CDK19: variants seen among roughly 807,000 people sequenced by gnomAD.
The protein encoded by CDK19 is cyclin dependent kinase 19.
CDK19 carries 20 observed loss-of-function variants against 68.3 expected under a neutral mutation model. That is an observed-to-expected ratio of 0.29 (90% confidence interval 0.21 to 0.43). The LOEUF is 0.43. Among genes scored for constraint, CDK19 ranks in the 20% least tolerant of loss-of-function variants. The probability of loss-of-function intolerance (pLI) is 1.00; values close to 1 mark genes in which losing one functional copy is unlikely to be tolerated. For synonymous variants in CDK19, 221 were observed against 222.8 expected, an observed-to-expected ratio of 0.99 and a Z score of 0.07; for missense variants, 339 against 623.5, an observed-to-expected ratio of 0.54 and a Z score of 4.86.
At chr6:110,770,845 C>G (rs1257344054) in intron 1 of CDK19, among the ~76,000 whole-genome samples, 1 of 152,042 alleles carries the variant, frequency 6.6e-6, no homozygotes, top group Non-Finnish European at 1.5e-5. Flanking sequence ...AGGAACTGGC[C>G]AAAACAAACG....
intron 1 of CDK19, among the ~76,000 whole-genome samples, chr6:110,758,117 A>C (rs1351189501): frequency 6.6e-6 from 1 of 152,096 alleles, no homozygotes; most frequent in Non-Finnish European, 1.5e-5. Flanking sequence ...CTTGAGCCCA[A>C]GAGGTTGAGG....
At chr6:110,781,394 T>A (rs1051531384) in intron 1 of CDK19, among the ~76,000 whole-genome samples, 1 of 152,176 alleles carries the variant, frequency 6.6e-6, no homozygotes, top group Non-Finnish European at 1.5e-5. Context: ...TCATAAGGGA[T>A]CTGCCCCCAT....
chr6:110,652,385 T>C (rs1009589194), intron 4 of CDK19, among the ~76,000 whole-genome samples: 2 of 152,010 alleles, frequency 1.3e-5, no homozygotes, highest in South Asian at 2.1e-4. Context: ...TCCAAATAAA[T>C]GGGGAAAAGG....
intron 2 of CDK19, among the ~76,000 whole-genome samples, chr6:110,740,548 C>T (rs1458551483): frequency 2.6e-5 from 4 of 152,134 alleles, no homozygotes; most frequent in East Asian, 1.9e-4. Context: ...CATTCTTAAA[C>T]GTTTTTCCTT....
chr6:110,656,892 T>C (rs1358652785), intron 4 of CDK19, among the ~76,000 whole-genome samples: 1 of 152,248 alleles, frequency 6.6e-6, no homozygotes, highest in Non-Finnish European at 1.5e-5. Context: ...CACATTAACA[T>C]CCATGGTAGG....
At chr6:110,722,923 A>G (rs1229869547) in intron 2 of CDK19, among the ~76,000 whole-genome samples, 2 of 152,248 alleles carry the variant, frequency 1.3e-5, no homozygotes, top group East Asian at 3.9e-4. Flanking sequence ...ATACATATTC[A>G]AAACAAACAA....
chr6:110,662,601 A>T (rs557973221), intron 4 of CDK19, among the ~76,000 whole-genome samples: 11 of 152,356 alleles, frequency 7.2e-5, no homozygotes, highest in African/African-American at 2.6e-4. Flanking sequence ...CTGGGACTAC[A>T]AAAATTATTG....
intron 1 of CDK19, among the ~76,000 whole-genome samples, chr6:110,749,160 A>G (rs1778282359): frequency 6.6e-6 from 1 of 152,226 alleles, no homozygotes; most frequent in Non-Finnish European, 1.5e-5. Context: ...TTAAAAATAC[A>G]TGTATTTGTA....
chr6:110,623,910 CGTATATATATATACGT>C (rs1778917463), intron 8 of CDK19, among the ~76,000 whole-genome samples: 2 of 121,944 alleles, frequency 1.6e-5, no homozygotes, highest in Non-Finnish European at 3.4e-5. Flanking sequence ...TATATATATA[CGTATATATATATACGT>C]GTATATATAT....
intron 2 of CDK19, among the ~76,000 whole-genome samples, chr6:110,672,803 G>A (rs1771134791): frequency 6.6e-6 from 1 of 151,854 alleles, no homozygotes; most frequent in Non-Finnish European, 1.5e-5. Flanking sequence ...GGTGAGAAGT[G>A]ATTTGGCATA....
intron 2 of CDK19, among the ~76,000 whole-genome samples, chr6:110,728,278 A>C: frequency 6.8e-6 from 1 of 146,736 alleles, no homozygotes; most frequent in Admixed American, 6.9e-5. Context: ...ACAGAGCAAG[A>C]CTCCATCTCA....
intron 1 of CDK19, among the ~76,000 whole-genome samples, chr6:110,791,533 A>G (rs1781594266): frequency 6.6e-6 from 1 of 152,188 alleles, no homozygotes; most frequent in Non-Finnish European, 1.5e-5. Context: ...AAGTATGTAG[A>G]ATATGATTGC....
At chr6:110,731,907 G>A (rs1776789649) in intron 2 of CDK19, among the ~76,000 whole-genome samples, 1 of 152,110 alleles carries the variant, frequency 6.6e-6, no homozygotes, top group African/African-American at 2.4e-5. Context: ...GGAACAGAAG[G>A]GGACACACAA....
intron 1 of CDK19, among the ~76,000 whole-genome samples, chr6:110,757,496 G>A (rs1203262654): frequency 6.6e-6 from 1 of 152,188 alleles, no homozygotes; most frequent in African/African-American, 2.4e-5. Flanking sequence ...AAGTTTACTT[G>A]TGGGACACCT....
intron 2 of CDK19, among the ~76,000 whole-genome samples, chr6:110,679,712 A>C (rs1006257275): frequency 1.3e-5 from 2 of 152,154 alleles, no homozygotes; most frequent in Non-Finnish European, 2.9e-5. Context: ...CCTTTTTTGA[A>C]AACAATCATT....
chr6:110,809,378 T>C lies in CDK19; in HGVS notation c.128+5631A>G, dbSNP rs141679399. On this transcript the variant is annotated intron_variant, in intron 1 of 12. Transcript: ENST00000368911. ...GTCTCTACAAAACAACAACAAAAAT[T>C]AGCCAGCACGTGCATCTGTGGTCCT... 6.0e-5 allele frequency among the ~76,000 whole-genome samples: 9 copies of C among 151,258 alleles called. No homozygotes were observed. In the East Asian group the frequency reaches 1.4e-3, roughly 23 times the overall value.
In CDK19 at chr6:110,762,489, T is replaced by C. The variant is rs191402935; in HGVS notation, c.129-16288A>G. 2.0e-4 allele frequency among the ~76,000 whole-genome samples: 30 copies of C among 152,364 alleles called. No individual in the cohort carries two copies. The South Asian group carries it at 4.6e-3, about 23-fold the overall frequency. Reference sequence around the variant, plus strand: ...ATAAAGAACTTGGGCTATGGACTTATATACCTCATATACCTATCCCACTAA... The same window carrying C: ...ATAAAGAACTTGGGCTATGGACTTACATACCTCATATACCTATCCCACTAA... On this transcript the variant is annotated intron_variant, in intron 1 of 12. Transcript: ENST00000368911.
At chr6:110,768,933 A>C (rs1309514623) in intron 1 of CDK19, among the ~76,000 whole-genome samples, 1 of 151,980 alleles carries the variant, frequency 6.6e-6, no homozygotes, top group Non-Finnish European at 1.5e-5. Context: ...CAGGTGGATC[A>C]CCTGAGGTCA....
intron 2 of CDK19, among the ~76,000 whole-genome samples, chr6:110,718,393 T>C (rs906710074): frequency 6.6e-6 from 1 of 152,124 alleles, no homozygotes; most frequent in Non-Finnish European, 1.5e-5. Context: ...GAAGAGCTAC[T>C]ATGTCAGTGA....
Sources: allele counts gnomAD v4.1 joint callset (sites outside exome capture counted in the v4.1 genomes callset), GRCh38; gene constraint gnomAD v4.1.1; transcripts MANE v1.5; gene names NCBI Gene and HGNC (gene_info 2026-07-23, HGNC 2026-07-21).